The following ZNF804B variants were observed in gnomAD, a reference collection of about 807,000 sequenced individuals.
ZNF804B encodes zinc finger protein 804B.
In ZNF804B, 80 loss-of-function variants were observed where a neutral mutation model predicts 101.4. That is an observed-to-expected ratio of 0.79 (90% CI 0.66 to 0.95). The LOEUF (loss-of-function observed/expected upper bound fraction) is 0.95, where lower values mean the gene tolerates loss of function less well. Ranked by LOEUF, ZNF804B falls within the 40% of genes least tolerant of loss-of-function variation. The pLI, the probability that ZNF804B is intolerant of heterozygous loss-of-function variation, is 0.00. For synonymous variants in ZNF804B, 622 were observed against 558.8 expected, an observed-to-expected ratio of 1.11 and a Z score of -1.59; for missense variants, 1,673 against 1,561.9, an observed-to-expected ratio of 1.07 and a Z score of -1.20.
chr7:88,936,112 TA>T lies in ZNF804B; in HGVS notation c.108+176036del, dbSNP rs201891277. On this transcript the variant is annotated intron_variant, in intron 1 of 3. Coordinates refer to ENST00000333190, the MANE Select transcript of ZNF804B (RefSeq NM_181646.5). The stretch of plus-strand genomic sequence containing the variant: ...CTTCATCTTTCTTCCTTTTTTTTTT[TA>T]AAAAAAATAACATATGCCTGTGGTC... Among the ~76,000 whole-genome samples the T allele has an allele frequency of 6.4e-3, 901 of 141,652 alleles. 15 individuals carry two copies. Among genetic ancestry groups the T allele is most frequent in the Admixed American group, 0.019 (263 of 13,940 alleles). The allele number at this position is 141,652 out of a possible 152,430, so 92.9% of individuals were successfully genotyped here.
At chr7:89,326,220 G>A (rs762962348) in intron 2 of ZNF804B, among the ~76,000 whole-genome samples, 1 of 151,910 alleles carries the variant, frequency 6.6e-6, no homozygotes, top group African/African-American at 2.4e-5. Flanking sequence ...TTCTAATTCC[G>A]TGAGGTTCTT....
intron 1 of ZNF804B, among the ~76,000 whole-genome samples, chr7:89,000,257 C>T (rs1229733733): frequency 6.6e-6 from 1 of 151,906 alleles, no homozygotes; most frequent in Non-Finnish European, 1.5e-5. Flanking sequence ...CAGGGTGTCT[C>T]ATTTGAGGAA....
At chr7:88,951,920 GGTGAATTTCTC>G (rs1162802687) in intron 1 of ZNF804B, among the ~76,000 whole-genome samples, 2 of 151,760 alleles carry the variant, frequency 1.3e-5, no homozygotes, top group Non-Finnish European at 1.5e-5. Context: ...CATATCCAAG[GGTGAATTTCTC>G]TTTATTTATA....
intron 1 of ZNF804B, among the ~76,000 whole-genome samples, chr7:89,189,780 A>T (rs1788427354): frequency 6.6e-6 from 1 of 152,126 alleles, no homozygotes; most frequent in Non-Finnish European, 1.5e-5. Context: ...AATTCCTCAG[A>T]TAAATTTTTT....
At chr7:89,167,499 T>A (rs997048820) in intron 1 of ZNF804B, among the ~76,000 whole-genome samples, 2 of 151,598 alleles carry the variant, frequency 1.3e-5, no homozygotes, top group African/African-American at 4.8e-5. Flanking sequence ...CTCTCGCAGT[T>A]CAAACTAGTG....
chr7:88,873,035 G>A (rs1483434048), intron 1 of ZNF804B, among the ~76,000 whole-genome samples: 1 of 151,918 alleles, frequency 6.6e-6, no homozygotes, highest in Non-Finnish European at 1.5e-5. Context: ...GATCCCTGAG[G>A]AATCGCCACA....
At chr7:88,877,143 T>C (rs1433532817) in intron 1 of ZNF804B, among the ~76,000 whole-genome samples, 1 of 130,878 alleles carries the variant, frequency 7.6e-6, no homozygotes, top group Non-Finnish European at 1.5e-5. Context: ...CACTGAAACC[T>C]CCACCTCCCA....
chr7:89,329,178 A>G (rs1790940436), intron 3 of ZNF804B, among the ~76,000 whole-genome samples: 2 of 151,464 alleles, frequency 1.3e-5, no homozygotes, highest in Non-Finnish European at 3.0e-5. Context: ...AAATAGGCAA[A>G]CTCTCTAGGT....
At chr7:89,262,062 G>A (rs1232658592) in intron 2 of ZNF804B, among the ~76,000 whole-genome samples, 1 of 152,140 alleles carries the variant, frequency 6.6e-6, no homozygotes, top group Non-Finnish European at 1.5e-5. Flanking sequence ...TAATTTTAAA[G>A]AGGGAGCTTT....
intron 1 of ZNF804B, among the ~76,000 whole-genome samples, chr7:88,804,135 G>A (rs1183009730): frequency 6.6e-6 from 1 of 152,096 alleles, no homozygotes; most frequent in Admixed American, 6.6e-5. Context: ...TGGTAAAATA[G>A]TTGAGCAAAG....
intron 1 of ZNF804B, among the ~76,000 whole-genome samples, chr7:88,818,515 A>G (rs533072877): frequency 6.6e-6 from 1 of 152,328 alleles, no homozygotes; most frequent in South Asian, 2.1e-4. Context: ...AGTGATCAGC[A>G]AATTTTACTT....
chr7:88,828,507 T>G (rs1791081251), intron 1 of ZNF804B, among the ~76,000 whole-genome samples: 1 of 152,058 alleles, frequency 6.6e-6, no homozygotes, highest in African/African-American at 2.4e-5. Context: ...CATACCCAAT[T>G]GCCCACCAAC....
intron 1 of ZNF804B, among the ~76,000 whole-genome samples, chr7:89,185,665 A>G (rs1287214754): frequency 6.6e-6 from 1 of 152,128 alleles, no homozygotes; most frequent in Non-Finnish European, 1.5e-5. Context: ...GTTAGAGACA[A>G]GCCTGGCCAA....
chr7:89,251,694 C>T (rs1584083797), intron 2 of ZNF804B, among the ~76,000 whole-genome samples: 1 of 152,060 alleles, frequency 6.6e-6, no homozygotes. Flanking sequence ...GGTTACTGTA[C>T]TTTCTATTAC....
intron 2 of ZNF804B, among the ~76,000 whole-genome samples, chr7:89,249,029 T>TAAAAAAAAAAA (rs58553222): frequency 8.4e-6 from 1 of 119,230 alleles, no homozygotes. Flanking sequence ...CCAATAACAG[T>TAAAAAAAAAAA]AAAAAAAAAA....
At chr7:89,123,990 T>A (rs1283883656) in intron 1 of ZNF804B, among the ~76,000 whole-genome samples, 1 of 152,158 alleles carries the variant, frequency 6.6e-6, no homozygotes, top group Non-Finnish European at 1.5e-5. Flanking sequence ...CCTCCCAGGT[T>A]CTTAGTCACA....
At chr7:88,999,198 C>T (rs1308654105) in intron 1 of ZNF804B, among the ~76,000 whole-genome samples, 3 of 151,956 alleles carry the variant, frequency 2.0e-5, no homozygotes, top group Non-Finnish European at 2.9e-5. Context: ...GAGACTCACA[C>T]TAGACTATTT....
chr7:89,184,254 A>C (rs899082698), intron 1 of ZNF804B, among the ~76,000 whole-genome samples: 4 of 152,180 alleles, frequency 2.6e-5, no homozygotes, highest in African/African-American at 9.6e-5. Flanking sequence ...ATCTGATCTA[A>C]TTTAAATACA....
At chr7:89,060,871 C>A (rs146476938) in intron 1 of ZNF804B, among the ~76,000 whole-genome samples, 1 of 152,024 alleles carries the variant, frequency 6.6e-6, no homozygotes, top group Admixed American at 6.6e-5. Context: ...TTTTGTACAT[C>A]GGCATTTGTG....
Sources: gnomAD v4.1 joint callset for allele counts (sites outside exome capture counted in the v4.1 genomes callset) on GRCh38, gnomAD v4.1.1 for gene constraint, MANE v1.5 for transcripts, NCBI Gene and HGNC (gene_info 2026-07-23, HGNC 2026-07-21) for gene names.